DLG2: variants seen among roughly 807,000 people sequenced by gnomAD.
DLG2 encodes the protein disks large homolog 2.
A neutral mutation model predicts 132.5 loss-of-function variants in DLG2; 45 were observed. The ratio of observed to expected loss-of-function variants is 0.34; its 90% CI spans 0.27 to 0.44. The LOEUF is 0.44. DLG2 is among the 20% of genes least tolerant of loss of function. The probability of loss-of-function intolerance (pLI) is 1.00; values close to 1 mark genes in which losing one functional copy is unlikely to be tolerated. For missense variants in DLG2, 1,045 were observed against 1,196.9 expected, an observed-to-expected ratio of 0.87 and a Z score of 1.87; for synonymous variants, 424 against 419.6, an observed-to-expected ratio of 1.01 and a Z score of -0.13.
chr11:83,601,911 T>C lies in DLG2; in HGVS notation c.1940+31300A>G, dbSNP rs533427634. ...CCAAGTTCTTAGTGTTTTCTGCTTA[T>C]TGAGACCAGAACGAACCCTGCTTTG... On this transcript the variant is annotated intron_variant, in intron 19 of 27. Transcript: ENST00000376104. Among the ~76,000 whole-genome samples, 17 of 152,280 alleles carry C rather than the reference T, an allele frequency of 1.1e-4. 1 individual carries two copies. In the South Asian group the frequency reaches 3.3e-3, roughly 30 times the overall value.
intron 15 of DLG2, among the ~76,000 whole-genome samples, chr11:83,926,549 T>G (rs2079008244): frequency 6.6e-6 from 1 of 152,144 alleles, no homozygotes; most frequent in African/African-American, 2.4e-5. Flanking sequence ...TCTTGCACTT[T>G]GTGGATGATC....
At chr11:83,594,903 G>A (rs1415386315) in intron 19 of DLG2, among the ~76,000 whole-genome samples, 1 of 152,210 alleles carries the variant, frequency 6.6e-6, no homozygotes, top group Non-Finnish European at 1.5e-5. Context: ...GCTGAGCTGA[G>A]TTTGAACTAA....
intron 6 of DLG2, among the ~76,000 whole-genome samples, chr11:85,074,134 A>G (rs551449528): frequency 2.4e-4 from 37 of 151,934 alleles, no homozygotes; most frequent in African/African-American, 6.5e-4. Flanking sequence ...AAAACTACCT[A>G]TCAGGTGCTA....
chr11:85,080,822 C>A (rs961276459), intron 6 of DLG2, among the ~76,000 whole-genome samples: 1 of 152,206 alleles, frequency 6.6e-6, no homozygotes, highest in Non-Finnish European at 1.5e-5. Flanking sequence ...TAGTTGGAAA[C>A]CATAGAAGAA....
chr11:84,872,221 G>A (rs924693149), intron 6 of DLG2, among the ~76,000 whole-genome samples: 3 of 152,322 alleles, frequency 2.0e-5, no homozygotes, highest in South Asian at 4.1e-4. Flanking sequence ...AATGGAAGTA[G>A]ATTCCTATTG....
Position 85,366,017 on chromosome 11 carries a change from G to A in DLG2, c.41-80652C>T, listed in dbSNP as rs182045394. Among the ~76,000 whole-genome samples, 10 of 152,238 alleles carry A rather than the reference G, an allele frequency of 6.6e-5. No individual in the cohort carries two copies. The East Asian group carries it at 1.9e-3, about 29-fold the overall frequency. On this transcript the variant is annotated intron_variant, in intron 3 of 27. Coordinates refer to ENST00000376104, the MANE Select transcript of DLG2 (RefSeq NM_001142699.3). ...GGTGCAGCAAACCACCATGGCACAT[G>A]TATACCTATGTAACAAACCTGCATG... is the stretch of plus-strand genomic sequence containing the variant.
At chr11:85,195,730 G>T (rs1286899210) in intron 4 of DLG2, among the ~76,000 whole-genome samples, 1 of 151,784 alleles carries the variant, frequency 6.6e-6, no homozygotes, top group Admixed American at 6.6e-5. Context: ...GTTTCACCGT[G>T]TTAGCCAGGA....
chr11:84,599,897 T>C (rs766629290), intron 6 of DLG2, among the ~76,000 whole-genome samples: 2 of 151,460 alleles, frequency 1.3e-5, no homozygotes, highest in African/African-American at 4.9e-5. Flanking sequence ...CCAGGTATAG[T>C]GGTGCACACT....
chr11:83,969,065 CT>C, intron 12 of DLG2, among the ~76,000 whole-genome samples: 1 of 152,060 alleles, frequency 6.6e-6, no homozygotes, highest in East Asian at 1.9e-4. Context: ...AATCATATAA[CT>C]TATCATGAGA....
chr11:85,487,531 C>T (rs1163685813), intron 3 of DLG2, among the ~76,000 whole-genome samples: 1 of 146,674 alleles, frequency 6.8e-6, no homozygotes, highest in African/African-American at 2.5e-5. Context: ...GGAGAAAATA[C>T]AAAATAAACT....
chr11:84,175,818 T>C (rs2154275222), intron 8 of DLG2, among the ~76,000 whole-genome samples: 1 of 152,208 alleles, frequency 6.6e-6, no homozygotes, highest in Middle Eastern at 3.4e-3. Flanking sequence ...TACCAGTATT[T>C]CCAGATCAGA....
intron 7 of DLG2, among the ~76,000 whole-genome samples, chr11:84,327,971 A>T (rs1292567817): frequency 2.0e-5 from 3 of 152,158 alleles, no homozygotes; most frequent in African/African-American, 7.2e-5. Context: ...TTTTGATTAG[A>T]CTTTTGGGAG....
intron 6 of DLG2, among the ~76,000 whole-genome samples, chr11:85,040,142 T>C (rs1188143733): frequency 1.3e-5 from 2 of 151,948 alleles, no homozygotes; most frequent in African/African-American, 4.8e-5. Context: ...TATTGTAGAT[T>C]AATTCTCAAA....
chr11:85,373,001 TTC>T (rs1411028478), intron 3 of DLG2, among the ~76,000 whole-genome samples: 4 of 152,216 alleles, frequency 2.6e-5, no homozygotes, highest in Admixed American at 1.3e-4. Context: ...TCTTCCTCGG[TTC>T]TCTCTTCAGA....
intron 6 of DLG2, among the ~76,000 whole-genome samples, chr11:85,007,632 T>C (rs1276934896): frequency 8.3e-6 from 1 of 120,204 alleles, no homozygotes; most frequent in Non-Finnish European, 1.6e-5. Context: ...GCCACTGCAC[T>C]CCAGCCTGGG....
At chr11:84,796,004 G>T (rs2074549366) in intron 6 of DLG2, among the ~76,000 whole-genome samples, 1 of 152,182 alleles carries the variant, frequency 6.6e-6, no homozygotes, top group Non-Finnish European at 1.5e-5. Flanking sequence ...TTCTGTGCCT[G>T]GCTCAACCTG....
At chr11:85,512,571 G>C (rs1001141981) in intron 3 of DLG2, among the ~76,000 whole-genome samples, 5 of 151,950 alleles carry the variant, frequency 3.3e-5, no homozygotes, top group African/African-American at 1.2e-4. Context: ...TGTCAAAAAT[G>C]GATAAAACCA....
intron 18 of DLG2, among the ~76,000 whole-genome samples, chr11:83,753,471 C>T (rs896279543): frequency 6.6e-6 from 1 of 151,490 alleles, no homozygotes; most frequent in Non-Finnish European, 1.5e-5. Context: ...TGAGATCTCT[C>T]CACTCATGGC....
intron 16 of DLG2, among the ~76,000 whole-genome samples, chr11:83,843,643 A>G (rs2058061540): frequency 6.6e-6 from 1 of 151,976 alleles, no homozygotes; most frequent in Admixed American, 6.6e-5. Flanking sequence ...GGGAAAAATG[A>G]TACTGAGTTC....
Sources: allele counts gnomAD v4.1 joint callset (sites outside exome capture counted in the v4.1 genomes callset), GRCh38; gene constraint gnomAD v4.1.1; transcripts MANE v1.5; gene names NCBI Gene and HGNC (gene_info 2026-07-23, HGNC 2026-07-21).